RBFOX1: variants seen among roughly 807,000 people sequenced by gnomAD.
The protein encoded by RBFOX1 is RNA binding fox-1 homolog 1.
Under a neutral mutation model 57.7 loss-of-function variants are expected in RBFOX1, and 8 were observed. That is an observed-to-expected ratio of 0.14 (90% confidence interval 0.08 to 0.25). RBFOX1 has a LOEUF of 0.25. Ranked by LOEUF, RBFOX1 falls within the 10% of genes least tolerant of loss-of-function variation. RBFOX1 has a pLI of 1.00. For missense variants in RBFOX1, 611 were observed against 548.5 expected, an observed-to-expected ratio of 1.11 and a Z score of -1.14; for synonymous variants, 326 against 222.4, an observed-to-expected ratio of 1.47 and a Z score of -4.15.
intron 1 of RBFOX1, among the ~76,000 whole-genome samples, chr16:6,303,452 G>C (rs1244148314): frequency 6.6e-6 from 1 of 151,908 alleles, no homozygotes; most frequent in African/African-American, 2.4e-5. Flanking sequence ...TCTTTATAGA[G>C]CAATGAGTTA....
chr16:6,494,537 AGTAATTT>A (rs1220571106), intron 2 of RBFOX1, among the ~76,000 whole-genome samples: 2 of 152,360 alleles, frequency 1.3e-5, no homozygotes, highest in Non-Finnish European at 2.9e-5. Context: ...TTGTTACATC[AGTAATTT>A]TGCATGGTAT....
chr16:5,499,520 C>T (rs2043115833), intron 2 of RBFOX1, among the ~76,000 whole-genome samples: 1 of 152,164 alleles, frequency 6.6e-6, no homozygotes, highest in Non-Finnish European at 1.5e-5. Flanking sequence ...AAATCCACAC[C>T]ATTATAATGT....
At position 6,316,992 on chromosome 16, in the gene RBFOX1, T is replaced by G; in HGVS notation, c.-126-3T>G. 6.5e-7 allele frequency: 1 copy of G among 1,534,960 alleles called. No individual in the cohort carries two copies. The highest frequency in any genetic ancestry group is 8.7e-7 in the Non-Finnish European group (1 of 1,146,114). On this transcript the variant is annotated splice_region_variant and splice_polypyrimidine_tract_variant and intron_variant, in intron 1 of 15. Transcript: ENST00000550418. ...TAAAGTCATTCCCCTTTTTCTTCTT[T>G]AGGAAACTGGTCAAAGAACTCATGC...
chr16:7,308,183 G>C (rs1750620392), intron 4 of RBFOX1, among the ~76,000 whole-genome samples: 1 of 152,112 alleles, frequency 6.6e-6, no homozygotes, highest in African/African-American at 2.4e-5. Context: ...GTAAGTAATA[G>C]AGGGCAAACC....
At chr16:6,955,058 C>T (rs533857090) in intron 3 of RBFOX1, among the ~76,000 whole-genome samples, 5 of 136,550 alleles carry the variant, frequency 3.7e-5, no homozygotes, top group African/African-American at 5.6e-5. Flanking sequence ...CTGGGAAACC[C>T]CATCTCTACA....
At chr16:7,558,565 TTTAA>T (rs1282320345) in intron 5 of RBFOX1, among the ~76,000 whole-genome samples, 1 of 152,152 alleles carries the variant, frequency 6.6e-6, no homozygotes, top group Admixed American at 6.6e-5. Context: ...CTATATATGC[TTTAA>T]TTATGGGCTT....
chr16:6,203,379 G>A (rs772763869), intron 1 of RBFOX1, among the ~76,000 whole-genome samples: 4 of 152,042 alleles, frequency 2.6e-5, no homozygotes, highest in Non-Finnish European at 5.9e-5. Context: ...ATTTCATTCA[G>A]CATTATGACC....
chr16:7,393,224 C>G (rs1045482443), intron 4 of RBFOX1, among the ~76,000 whole-genome samples: 6 of 152,088 alleles, frequency 3.9e-5, no homozygotes, highest in East Asian at 1.9e-4. Context: ...GTTCTGAGAT[C>G]TGACAGGAAA....
intron 7 of RBFOX1, among the ~76,000 whole-genome samples, chr16:7,595,076 C>T (rs889317938): frequency 2.6e-5 from 4 of 152,166 alleles, no homozygotes; most frequent in African/African-American, 9.7e-5. Flanking sequence ...GTTCTTAAAA[C>T]CACACGGCAT....
intron 3 of RBFOX1, among the ~76,000 whole-genome samples, chr16:5,725,011 T>G (rs1180188841): frequency 1.3e-5 from 2 of 152,112 alleles, no homozygotes; most frequent in Admixed American, 6.5e-5. Flanking sequence ...GGTTCCTTAT[T>G]GGGTGGTGAA....
At chr16:6,195,701 A>G (rs1260338085) in intron 1 of RBFOX1, among the ~76,000 whole-genome samples, 1 of 151,996 alleles carries the variant, frequency 6.6e-6, no homozygotes, top group Non-Finnish European at 1.5e-5. Flanking sequence ...CCTGGGAAAC[A>G]AGGGAGAAAC....
intron 5 of RBFOX1, among the ~76,000 whole-genome samples, chr16:7,521,109 G>A (rs1009674521): frequency 6.6e-6 from 1 of 150,950 alleles, no homozygotes; most frequent in Non-Finnish European, 1.5e-5. Context: ...TGTAGTCTGA[G>A]AGCATTTCTT....
At chr16:6,671,141 T>G (rs1368161553) in intron 3 of RBFOX1, among the ~76,000 whole-genome samples, 1 of 152,230 alleles carries the variant, frequency 6.6e-6, no homozygotes, top group Non-Finnish European at 1.5e-5. Context: ...TTCTTATTAT[T>G]CCAGTCGAAT....
rs769556125 is a variant in RBFOX1 at position 7,417,337 on chromosome 16, C to G, written c.28-100810C>G. On this transcript the variant is annotated intron_variant, in intron 4 of 15. Coordinates refer to ENST00000550418, the MANE Select transcript of RBFOX1 (RefSeq NM_018723.4). ...GCAGTGAGGTGAGATTGTTCCACTG[C>G]ATTCCAGCCTGGGCAACAGAGCGAG... Among the ~76,000 whole-genome samples, 8 of 144,608 alleles carry G rather than the reference C, an allele frequency of 5.5e-5. No homozygotes were observed. The East Asian group carries it at 1.7e-3, about 31-fold the overall frequency. The allele number at this position is 144,608 out of a possible 152,430, so 94.9% of individuals were successfully genotyped here.
At chr16:6,749,535 CTT>C (rs1313539533) in intron 3 of RBFOX1, among the ~76,000 whole-genome samples, 1 of 152,140 alleles carries the variant, frequency 6.6e-6, no homozygotes, top group Admixed American at 6.6e-5. Flanking sequence ...ACTAACCTGC[CTT>C]TGACTTCATA....
chr16:6,171,903 C>T (rs560869550), intron 1 of RBFOX1, among the ~76,000 whole-genome samples: 2 of 152,066 alleles, frequency 1.3e-5, no homozygotes, highest in East Asian at 3.9e-4. Flanking sequence ...CTCACTGTGA[C>T]CTCTGCCTCC....
At chr16:6,842,645 C>G (rs1331403310) in intron 3 of RBFOX1, among the ~76,000 whole-genome samples, 1 of 112,006 alleles carries the variant, frequency 8.9e-6, no homozygotes, top group Non-Finnish European at 1.7e-5. Flanking sequence ...TTTTTTAAAT[C>G]TATTTGCTTT....
At chr16:6,204,815 A>G (rs1344465) in intron 1 of RBFOX1, among the ~76,000 whole-genome samples, 147,308 of 152,150 alleles carry the variant, frequency 0.97, 71,479 homozygotes, top group East Asian at 1. Flanking sequence ...GTGTGCCTGC[A>G]TGTGTGTTCC....
intron 2 of RBFOX1, among the ~76,000 whole-genome samples, chr16:6,388,897 A>G (rs2092445363): frequency 1.3e-5 from 2 of 152,214 alleles, no homozygotes; most frequent in South Asian, 2.1e-4. Context: ...ACAGAAGCAG[A>G]GAGTAGAATG....
Sources: allele counts gnomAD v4.1 joint callset (sites outside exome capture counted in the v4.1 genomes callset), GRCh38; gene constraint gnomAD v4.1.1; transcripts MANE v1.5; gene names NCBI Gene and HGNC (gene_info 2026-07-23, HGNC 2026-07-21).